TFG: variants seen among roughly 807,000 people sequenced by gnomAD.
TFG encodes trafficking from ER to golgi regulator, also known as protein TFG.
Under a neutral mutation model 51.4 loss-of-function variants are expected in TFG, and 22 were observed. The observed-to-expected ratio is 0.43, with a 90% CI of 0.31 to 0.61. TFG has a LOEUF of 0.61. TFG is among the 20% of genes least tolerant of loss of function. The probability of loss-of-function intolerance (pLI) is 0.12; values close to 1 mark genes in which losing one functional copy is unlikely to be tolerated. For missense variants in TFG, 419 were observed against 487.7 expected, an observed-to-expected ratio of 0.86 and a Z score of 1.33; for synonymous variants, 187 against 165.6, an observed-to-expected ratio of 1.13 and a Z score of -0.99.
intron 2 of TFG, among the ~76,000 whole-genome samples, chr3:100,717,095 C>G (rs540056526): frequency 3.3e-5 from 5 of 152,268 alleles, no homozygotes; most frequent in African/African-American, 1.2e-4. Context: ...AGGTCTTATT[C>G]ATGAAATCTT....
At chr3:100,728,615 T>A in intron 3 of TFG, 97 bp from the exon 4 acceptor site, 1 of 1,118,330 alleles carries the variant, frequency 8.9e-7, no homozygotes, top group Admixed American at 2.9e-5. Context: ...TGTTTTTGTT[T>A]TTTTAAAGGA....
chr3:100,713,465 C>T (rs761340524), intron 1 of TFG, among the ~76,000 whole-genome samples, 178 bp from the exon 2 acceptor site: 1 of 152,040 alleles, frequency 6.6e-6, no homozygotes, highest in Non-Finnish European at 1.5e-5. Context: ...AAAATAAAAG[C>T]TTATTTTATT....
At chr3:100,715,194 TC>T (rs1208865722) in intron 2 of TFG, among the ~76,000 whole-genome samples, 1 of 152,238 alleles carries the variant, frequency 6.6e-6, no homozygotes, top group African/African-American at 2.4e-5. Flanking sequence ...ATAATAGAAA[TC>T]TTAAAATCTG....
intron 4 of TFG, 79 bp from the exon 5 acceptor site, chr3:100,732,429 T>G (rs1262740043): frequency 1.3e-5 from 13 of 975,394 alleles, no homozygotes; most frequent in African/African-American, 5.0e-5. Context: ...ACACCTGCAT[T>G]ATTTCCCTTG....
At chr3:100,719,192 A>T (rs1334182563) in intron 2 of TFG, among the ~76,000 whole-genome samples, 1 of 152,188 alleles carries the variant, frequency 6.6e-6, no homozygotes, top group Admixed American at 6.5e-5. Context: ...GCATCCCAGA[A>T]GTAGTCTTGT....
At chr3:100,720,410 G>A (rs2095057485) in intron 3 of TFG, among the ~76,000 whole-genome samples, 1 of 152,120 alleles carries the variant, frequency 6.6e-6, no homozygotes, top group African/African-American at 2.4e-5. Flanking sequence ...TTATTATCAG[G>A]GCTTAACATG....
rs772577601 is a variant in TFG at position 100,713,909 on chromosome 3, A to T, written c.184+40A>T. The T allele has an allele frequency of 0.19, 120,656 of 645,960 alleles. 827 individuals carry two copies. Among genetic ancestry groups the T allele is most frequent in the South Asian group, 0.29 (7,504 of 25,574 alleles). The allele number at this position is 645,960 out of a possible 1,614,324, so 40.0% of individuals were successfully genotyped here. A position where few individuals can be genotyped will look rare whatever the true frequency, so the allele number is the denominator to read the frequency against. On this transcript the variant is annotated intron_variant, in intron 2 of 7. Transcript: ENST00000240851. ...AAAGCTATTTTTTAAAGTCTTTTTA[A>T]AAAAAAAAAAAAAAAGACAGAGCCT...
intron 3 of TFG, among the ~76,000 whole-genome samples, chr3:100,724,313 G>C (rs1201068865): frequency 1.3e-5 from 2 of 152,080 alleles, no homozygotes; most frequent in Non-Finnish European, 2.9e-5. Flanking sequence ...ATGAGGATTA[G>C]TTAAGGAGAA....
chr3:100,738,268 C>G (rs942047238), intron 6 of TFG, among the ~76,000 whole-genome samples: 1 of 152,164 alleles, frequency 6.6e-6, no homozygotes, highest in African/African-American at 2.4e-5. Context: ...CTAGAACAAA[C>G]TAGAACTAAA....
At chr3:100,728,942 G>C (rs1486700894) in intron 4 of TFG, 84 bp downstream of exon 4, 4 of 1,222,910 alleles carry the variant, frequency 3.3e-6, no homozygotes, top group Non-Finnish European at 4.5e-6. Flanking sequence ...AGTAGGAGAA[G>C]GATGGCATCC....
chr3:100,729,468 G>A (rs2095085402), intron 4 of TFG, among the ~76,000 whole-genome samples: 1 of 152,136 alleles, frequency 6.6e-6, no homozygotes, highest in African/African-American at 2.4e-5. Context: ...TTTTGGGACC[G>A]AATGTATTTT....
intron 2 of TFG, among the ~76,000 whole-genome samples, chr3:100,718,090 T>G (rs1231222123): frequency 2.0e-5 from 3 of 151,954 alleles, no homozygotes; most frequent in Non-Finnish European, 4.4e-5. Flanking sequence ...GCACTCAGCT[T>G]CTTATTCTTA....
chr3:100,731,793 C>A (rs909343563), intron 4 of TFG, among the ~76,000 whole-genome samples: 1 of 152,042 alleles, frequency 6.6e-6, no homozygotes, highest in African/African-American at 2.4e-5. Context: ...AGTGATCTAC[C>A]CACCTCGGCC....
At chr3:100,723,599 AC>A (rs1402384272) in intron 3 of TFG, among the ~76,000 whole-genome samples, 10 of 152,180 alleles carry the variant, frequency 6.6e-5, no homozygotes, top group African/African-American at 2.4e-4. Context: ...AACAGAATAG[AC>A]TTATATAAAA....
intron 5 of TFG, among the ~76,000 whole-genome samples, chr3:100,734,878 TTATAG>T (rs2095102252): frequency 6.6e-6 from 1 of 152,154 alleles, no homozygotes; most frequent in Non-Finnish European, 1.5e-5. Context: ...GTATGTTGAA[TTATAG>T]TAGGAAAAAC....
chr3:100,748,755 T>C lies in TFG; in HGVS notation c.*224T>C, dbSNP rs900754844. On this transcript the variant is annotated 3_prime_UTR_variant, in exon 8 of 8. Transcript: ENST00000240851. ...AAATGTAGCAGCTTCTTAGTTACTTTGGAACACTACTCTTACATGTATAAA... is the reference window on the plus strand; with the variant it reads ...AAATGTAGCAGCTTCTTAGTTACTTCGGAACACTACTCTTACATGTATAAA... 3 of 526,508 alleles carry C rather than the reference T, an allele frequency of 5.7e-6. No homozygotes were observed. In the African/African-American group the frequency reaches 5.7e-5, roughly 10 times the overall value. 32.6% of individuals were successfully genotyped at this position (526,508 alleles called of 1,614,324 possible).
At chr3:100,709,919 CTT>C (rs1339346429) in intron 1 of TFG, 198 bp downstream of exon 1, 3 of 79,760 alleles carry the variant, frequency 3.8e-5, no homozygotes, top group Non-Finnish European at 4.8e-5. Flanking sequence ...CGGGCGGGGC[CTT>C]GCATGGGGGG....
chr3:100,725,802 A>G (rs1444851923), intron 3 of TFG, among the ~76,000 whole-genome samples: 1 of 152,032 alleles, frequency 6.6e-6, no homozygotes, highest in Admixed American at 6.5e-5. Context: ...CAAAAAAAAT[A>G]TAAATACATA....
At chr3:100,748,084 C>T in intron 7 of TFG, 65 bp from the exon 8 acceptor site, 1 of 1,524,512 alleles carries the variant, frequency 6.6e-7, no homozygotes, top group South Asian at 1.3e-5. Flanking sequence ...AACAGTAAGA[C>T]TAATTCTTTG....
Sources: allele counts gnomAD v4.1 joint callset (sites outside exome capture counted in the v4.1 genomes callset), GRCh38; gene constraint gnomAD v4.1.1; transcripts MANE v1.5; gene names NCBI Gene and HGNC (gene_info 2026-07-23, HGNC 2026-07-21).